MROH1: variants seen among roughly 807,000 people sequenced by gnomAD.
MROH1 encodes maestro heat-like repeat-containing protein family member 1.
In MROH1, 117 loss-of-function variants were observed where a neutral mutation model predicts 116.5. The ratio of observed to expected loss-of-function variants is 1.00; its 90% CI spans 0.86 to 1.17. The LOEUF (loss-of-function observed/expected upper bound fraction) is 1.17. MROH1 is among the 50% of genes most tolerant of loss of function. The pLI, the probability that MROH1 is intolerant of heterozygous loss-of-function variation, is 0.00. For missense variants in MROH1, 1,873 were observed against 1,338.5 expected, an observed-to-expected ratio of 1.40 and a Z score of -6.23; for synonymous variants, 921 against 583.9, an observed-to-expected ratio of 1.58 and a Z score of -8.32.
chr8:144,230,827 AATTG>A (rs1249414533), intron 14 of MROH1, among the ~76,000 whole-genome samples: 11 of 70,510 alleles, frequency 1.6e-4, no homozygotes, highest in African/African-American at 6.9e-4. Flanking sequence ...TTTTTTTTTT[AATTG>A]ATCATTCTTG....
At chr8:144,178,293 G>T (rs993803749) in intron 4 of MROH1, among the ~76,000 whole-genome samples, 1 of 152,058 alleles carries the variant, frequency 6.6e-6, no homozygotes, top group Non-Finnish European at 1.5e-5. Context: ...CACCACACAC[G>T]GCTAATTTTT....
chr8:144,151,327 C>G (rs941515800), intron 1 of MROH1, among the ~76,000 whole-genome samples: 48 of 148,674 alleles, frequency 3.2e-4, no homozygotes, highest in African/African-American at 1.2e-3. Context: ...TAGAGAGGAG[C>G]AGATTGGCGG....
chr8:144,219,100 G>A (rs1393921151), intron 12 of MROH1, among the ~76,000 whole-genome samples: 1 of 151,118 alleles, frequency 6.6e-6, no homozygotes. Flanking sequence ...TCAGCTCACT[G>A]CAAGCTCTGC....
chr8:144,181,278 A>AGTGATGGGGGGGGGGCCCG (rs1825584195), intron 7 of MROH1, among the ~76,000 whole-genome samples: 2 of 95,742 alleles, frequency 2.1e-5, no homozygotes, highest in South Asian at 4.0e-4. Context: ...GGGAGGACCC[A>AGTGATGGGGGGGGGGCCCG]GTGATGGGGG....
At chr8:144,149,813 A>G (rs1238353319) in intron 1 of MROH1, among the ~76,000 whole-genome samples, 1 of 151,170 alleles carries the variant, frequency 6.6e-6, no homozygotes, top group Non-Finnish European at 1.5e-5. Flanking sequence ...GGGGGTTTGC[A>G]TGAGCACCAG....
chr8:144,171,870 A>G (rs1293933997), intron 4 of MROH1, among the ~76,000 whole-genome samples: 1 of 152,178 alleles, frequency 6.6e-6, no homozygotes, highest in Non-Finnish European at 1.5e-5. Context: ...CTCTTGTCCA[A>G]GGAGACCCGG....
intron 14 of MROH1, among the ~76,000 whole-genome samples, chr8:144,233,041 G>A (rs1408535860): frequency 6.6e-6 from 1 of 151,110 alleles, no homozygotes; most frequent in Non-Finnish European, 1.5e-5. Flanking sequence ...TGTTGCCCAG[G>A]CCAGTCTAGA....
chr8:144,176,877 T>G (rs1296762816), intron 4 of MROH1, among the ~76,000 whole-genome samples: 4 of 150,088 alleles, frequency 2.7e-5, no homozygotes, highest in Admixed American at 2.7e-4. Context: ...TTAAATACAG[T>G]CTGCCTGCAG....
chr8:144,258,650 T>C, intron 35 of MROH1, 127 bp from the exon 36 acceptor site: 1 of 677,046 alleles, frequency 1.5e-6, no homozygotes, highest in Non-Finnish European at 2.7e-6. Context: ...TCCTGGAGAG[T>C]GGCTCTGGCA....
chr8:144,219,663 G>A (rs1836282462), intron 12 of MROH1, among the ~76,000 whole-genome samples: 1 of 152,152 alleles, frequency 6.6e-6, no homozygotes, highest in African/African-American at 2.4e-5. Context: ...TCCCACAAGG[G>A]AGTATACCAA....
chr8:144,220,541 A>C (rs957991360), intron 12 of MROH1, 59 bp from the exon 13 acceptor site: 1 of 1,479,382 alleles, frequency 6.8e-7, no homozygotes, highest in Admixed American at 2.0e-5. Context: ...GTGATGTGGA[A>C]TGGACCTTGA....
intron 29 of MROH1, among the ~76,000 whole-genome samples, chr8:144,246,785 C>T (rs1210030777): frequency 1.3e-5 from 2 of 152,152 alleles, no homozygotes; most frequent in Non-Finnish European, 2.9e-5. Flanking sequence ...GTGCGTCTGC[C>T]AGGGAGGAGG....
intron 12 of MROH1, among the ~76,000 whole-genome samples, chr8:144,210,039 C>T (rs988384120): frequency 6.6e-6 from 1 of 152,054 alleles, no homozygotes; most frequent in African/African-American, 2.4e-5. Flanking sequence ...CCGAGACGCC[C>T]CTCCTTGCAT....
At position 144,212,123 on chromosome 8, in the gene MROH1, G is replaced by A. The variant is rs145394443; in HGVS notation, c.1142-8477G>A. On this transcript the variant is annotated intron_variant, in intron 12 of 43. Transcript: ENST00000326134. ...TTTTGAGATGGAGTCTCACTCTGTCGCCCAGGGTGGAGTGTAGCGGCTCAA... is the reference window on the plus strand; with the variant it reads ...TTTTGAGATGGAGTCTCACTCTGTCACCCAGGGTGGAGTGTAGCGGCTCAA... Among the ~76,000 whole-genome samples, 78 of 151,496 alleles carry A rather than the reference G, an allele frequency of 5.1e-4. 3 individuals are homozygous for A. In the East Asian group the frequency reaches 0.013, roughly 26 times the overall value.
In MROH1 at chr8:144,259,962, G is replaced by C; in HGVS notation, c.4096G>C (p.Glu1366Gln). 1.3e-6 allele frequency: 1 copy of C among 742,416 alleles called. No individual in the cohort carries two copies. The highest frequency in any genetic ancestry group is 2.5e-6 in the Non-Finnish European group (1 of 400,002). The allele number at this position is 742,416 out of a possible 1,614,324, so 46.0% of individuals were successfully genotyped here. A position where few individuals can be genotyped will look rare whatever the true frequency, so the allele number is the denominator to read the frequency against. Residue 1366 changes from glutamate to glutamine, a missense_variant, in exon 38 of 44, where the codon GAG becomes CAG. By Grantham distance (29) the Glu-to-Gln change is conservative. Coordinates refer to ENST00000326134, the MANE Select transcript of MROH1 (RefSeq NM_032450.3). ...CCTCATGCTCTTGGACTCGCTGCTG[G>C]AGAGCCTGGCGGCTCGCCAGAAGGA... ...NDLMLLDSLL[E>Q]SLAARQKDTC...
chr8:144,196,105 A>G (rs778326449), intron 10 of MROH1, among the ~76,000 whole-genome samples: 3 of 151,726 alleles, frequency 2.0e-5, no homozygotes, highest in Non-Finnish European at 4.4e-5. Flanking sequence ...CCTGGCCAAC[A>G]TAGTGAAACC....
chr8:144,231,219 G>C (rs1482770651), intron 14 of MROH1, among the ~76,000 whole-genome samples: 1 of 151,458 alleles, frequency 6.6e-6, no homozygotes, highest in African/African-American at 2.4e-5. Flanking sequence ...TTTCTACACA[G>C]ACACGGCAAC....
chr8:144,152,588 C>A (rs1817091154), intron 1 of MROH1, among the ~76,000 whole-genome samples: 1 of 151,324 alleles, frequency 6.6e-6, no homozygotes, highest in African/African-American at 2.4e-5. Context: ...GCTCTGTCGC[C>A]CAGGCTGGAG....
At chr8:144,257,697 G>C (rs987042154) in intron 35 of MROH1, among the ~76,000 whole-genome samples, 10 of 152,342 alleles carry the variant, frequency 6.6e-5, no homozygotes, top group East Asian at 3.9e-4. Flanking sequence ...CCCACTCCAC[G>C]TCGCAGCACA....
Sources: gnomAD v4.1 joint callset for allele counts (sites outside exome capture counted in the v4.1 genomes callset) on GRCh38, gnomAD v4.1.1 for gene constraint, MANE v1.5 for transcripts, NCBI Gene and HGNC (gene_info 2026-07-23, HGNC 2026-07-21) for gene names.